The following SLC5A11 variants were observed in gnomAD, a reference collection of about 807,000 sequenced individuals.
SLC5A11 encodes the protein solute carrier family 5 member 11.
A neutral mutation model predicts 69.8 loss-of-function variants in SLC5A11; 48 were observed. The ratio of observed to expected loss-of-function variants is 0.69; its 90% CI spans 0.55 to 0.87. The LOEUF (loss-of-function observed/expected upper bound fraction) is 0.87, where lower values mean the gene tolerates loss of function less well. SLC5A11 is among the 40% of genes least tolerant of loss of function. SLC5A11 has a pLI of 0.00. For synonymous variants in SLC5A11, 319 were observed against 342.4 expected, an observed-to-expected ratio of 0.93 and a Z score of 0.75; for missense variants, 784 against 866.1, an observed-to-expected ratio of 0.91 and a Z score of 1.19.
chr16:24,895,091 C>T (rs907266347), intron 9 of SLC5A11, among the ~76,000 whole-genome samples: 3 of 151,616 alleles, frequency 2.0e-5, no homozygotes, highest in African/African-American at 7.3e-5. Flanking sequence ...CACCACTGCA[C>T]TCCAATCTGG....
intron 10 of SLC5A11, among the ~76,000 whole-genome samples, chr16:24,898,490 G>A (rs2049341649): frequency 1.3e-5 from 2 of 150,614 alleles, no homozygotes; most frequent in Admixed American, 6.6e-5. Context: ...GATTGCAGGT[G>A]TGAGCCAACA....
chr16:24,895,667 T>C (rs187800554), intron 9 of SLC5A11, among the ~76,000 whole-genome samples: 1 of 152,020 alleles, frequency 6.6e-6, no homozygotes, highest in Non-Finnish European at 1.5e-5. Context: ...GGAGCTTTTT[T>C]GAATTCTGAC....
intron 3 of SLC5A11, among the ~76,000 whole-genome samples, chr16:24,869,030 G>A (rs574322405): frequency 8.5e-5 from 13 of 152,182 alleles, no homozygotes; most frequent in Non-Finnish European, 1.5e-4. Context: ...ACCACGCTCA[G>A]CTAACTTTTG....
rs1052652617 is a variant in SLC5A11 at position 24,852,202 on chromosome 16, C to T, written c.-25+5764C>T. 4.6e-5 allele frequency among the ~76,000 whole-genome samples: 7 copies of T among 152,116 alleles called. No individual in the cohort carries two copies. The East Asian group carries it at 9.6e-4, about 21-fold the overall frequency. ...GACACACAGAAGTTATAAAGAATCA[C>T]GCACATCCAGAAGCCAGCCTAAGGC... On this transcript the variant is annotated intron_variant, in intron 1 of 15. Transcript: ENST00000347898.
At chr16:24,891,764 G>T (rs1481753967) in intron 9 of SLC5A11, among the ~76,000 whole-genome samples, 1 of 152,016 alleles carries the variant, frequency 6.6e-6, no homozygotes, top group Non-Finnish European at 1.5e-5. Flanking sequence ...CACTCTTCTG[G>T]GCACTTAAAA....
intron 1 of SLC5A11, among the ~76,000 whole-genome samples, chr16:24,855,459 C>T: frequency 6.7e-6 from 1 of 150,266 alleles, no homozygotes; most frequent in East Asian, 2.0e-4. Flanking sequence ...AAAAATTAGC[C>T]AGGCATGGTG....
intron 6 of SLC5A11, among the ~76,000 whole-genome samples, chr16:24,876,204 G>GA (rs1162639357): frequency 0.13 from 14,862 of 111,554 alleles, 959 homozygotes; most frequent in South Asian, 0.21. Flanking sequence ...TCAAAAAAAA[G>GA]AAAAAAAAAA....
chr16:24,849,593 A>C (rs10459780), intron 1 of SLC5A11, among the ~76,000 whole-genome samples: 17 of 35,906 alleles, frequency 4.7e-4, no homozygotes, highest in African/African-American at 1.3e-3. Flanking sequence ...AAAAAAAAAA[A>C]ATATATATAT....
chr16:24,905,524 A>G (rs2049971068), intron 10 of SLC5A11, among the ~76,000 whole-genome samples: 1 of 152,074 alleles, frequency 6.6e-6, no homozygotes, highest in South Asian at 2.1e-4. Flanking sequence ...CTGTAATTCC[A>G]GCTACTTGGG....
chr16:24,899,055 C>A (rs545075029), intron 10 of SLC5A11, among the ~76,000 whole-genome samples: 12 of 151,522 alleles, frequency 7.9e-5, no homozygotes, highest in Non-Finnish European at 1.6e-4. Context: ...AGGCCTCAAG[C>A]GATCCTCCTG....
chr16:24,877,874 C>T (rs997080206), intron 7 of SLC5A11, among the ~76,000 whole-genome samples: 3 of 152,204 alleles, frequency 2.0e-5, no homozygotes, highest in Non-Finnish European at 4.4e-5. Context: ...ATCCCAGCTA[C>T]TCAGGAGGCC....
At chr16:24,858,560 G>C in intron 1 of SLC5A11, 60 bp from the exon 3 acceptor site, 2 of 1,492,296 alleles carry the variant, frequency 1.3e-6, no homozygotes, top group Non-Finnish European at 1.8e-6. Flanking sequence ...GGTAGCTACA[G>C]AAAGGGTGAG....
intron 2 of SLC5A11, 39 bp downstream of exon 3, chr16:24,858,817 AGGAAATGTCTGTTTAGAG>A: frequency 6.3e-7 from 1 of 1,595,262 alleles, no homozygotes; most frequent in Admixed American, 1.7e-5. Flanking sequence ...TGAAGAGAGA[AGGAAATGTCTGTTTAGAG>A]GTCCGGAGTT....
intron 3 of SLC5A11, among the ~76,000 whole-genome samples, chr16:24,863,363 T>C (rs957900674): frequency 2.0e-5 from 3 of 152,054 alleles, no homozygotes; most frequent in African/African-American, 4.8e-5. Flanking sequence ...TTCTCTTTCA[T>C]CATTCAGTGG....
intron 9 of SLC5A11, among the ~76,000 whole-genome samples, chr16:24,895,767 G>A (rs140478858): frequency 7.2e-5 from 11 of 152,222 alleles, no homozygotes; most frequent in Admixed American, 1.3e-4. Context: ...AATGCAGTTA[G>A]GTCATTAACA....
chr16:24,896,807 G>A (rs1435794386), intron 9 of SLC5A11, among the ~76,000 whole-genome samples: 1 of 151,988 alleles, frequency 6.6e-6, no homozygotes, highest in Non-Finnish European at 1.5e-5. Context: ...TCCATTTCCT[G>A]GTTTTCTTTC....
chr16:24,874,297 A>G (rs1693896850), intron 5 of SLC5A11, among the ~76,000 whole-genome samples: 1 of 152,208 alleles, frequency 6.6e-6, no homozygotes, highest in African/African-American at 2.4e-5. Context: ...GAACATTTTT[A>G]TAAATGTGTT....
intron 15 of SLC5A11, 35 bp downstream of exon 16, chr16:24,910,512 G>C (rs776541845): frequency 1.1e-5 from 18 of 1,603,838 alleles, no homozygotes; most frequent in Non-Finnish European, 1.4e-5. Flanking sequence ...CAGCAAGAAG[G>C]AGTACGTGTT....
At chr16:24,911,611 C>A in exon 16 of SLC5A11, 1 of 1,409,486 alleles carries the variant, frequency 7.1e-7, no homozygotes, top group Non-Finnish European at 9.9e-7. Context: ...AATAATAAAG[C>A]TTTTGTTTAC....
Sources: gnomAD v4.1 joint callset for allele counts (sites outside exome capture counted in the v4.1 genomes callset) on GRCh38, gnomAD v4.1.1 for gene constraint, MANE v1.5 for transcripts, NCBI Gene and HGNC (gene_info 2026-07-23, HGNC 2026-07-21) for gene names.